The following BMPR1B variants were observed in gnomAD, a reference collection of about 807,000 sequenced individuals.
BMPR1B encodes the protein bone morphogenetic protein receptor type-1B.
In BMPR1B, 12 loss-of-function variants were observed where a neutral mutation model predicts 59.1. The observed-to-expected ratio is 0.20, with a 90% confidence interval of 0.13 to 0.33. The LOEUF is 0.33. Among genes scored for constraint, BMPR1B ranks in the 10% least tolerant of loss-of-function variants. The pLI is 1.00. For synonymous variants in BMPR1B, 237 were observed against 207.3 expected, an observed-to-expected ratio of 1.14 and a Z score of -1.23; for missense variants, 550 against 610.9, an observed-to-expected ratio of 0.90 and a Z score of 1.05.
intron 1 of BMPR1B, among the ~76,000 whole-genome samples, chr4:94,796,188 C>T (rs1363690608): frequency 1.3e-5 from 2 of 152,172 alleles, no homozygotes; most frequent in Non-Finnish European, 2.9e-5. Context: ...TGGCCTCGGA[C>T]TCCTGACCTC....
At chr4:95,134,878 T>A (rs1350114248) in intron 10 of BMPR1B, among the ~76,000 whole-genome samples, 4 of 152,224 alleles carry the variant, frequency 2.6e-5, no homozygotes, top group Non-Finnish European at 5.9e-5. Context: ...AGATCCCATT[T>A]GTCAATTTTG....
intron 2 of BMPR1B, among the ~76,000 whole-genome samples, chr4:94,938,795 A>G (rs1369496977): frequency 1.3e-5 from 2 of 152,180 alleles, no homozygotes; most frequent in Non-Finnish European, 2.9e-5. Context: ...AGCCTTCCTT[A>G]AGATCCCAGA....
intron 1 of BMPR1B, among the ~76,000 whole-genome samples, chr4:94,855,783 GTTAT>G (rs1725731838): frequency 9.2e-6 from 1 of 109,180 alleles, no homozygotes; most frequent in Non-Finnish European, 1.9e-5. Flanking sequence ...TTAAAATAAA[GTTAT>G]TTGAGTTAAT....
At chr4:94,771,308 C>T (rs899299341) in intron 1 of BMPR1B, among the ~76,000 whole-genome samples, 1 of 152,140 alleles carries the variant, frequency 6.6e-6, no homozygotes, top group African/African-American at 2.4e-5. Context: ...ATGTAGGACC[C>T]TCAGCTTCTA....
chr4:94,940,327 T>C (rs1265191093), intron 2 of BMPR1B, among the ~76,000 whole-genome samples: 1 of 152,178 alleles, frequency 6.6e-6, no homozygotes, highest in African/African-American at 2.4e-5. Flanking sequence ...TTTCATTTTT[T>C]TTAAGCTCAC....
intron 3 of BMPR1B, among the ~76,000 whole-genome samples, chr4:95,087,302 A>G (rs925160445): frequency 2.0e-5 from 3 of 152,182 alleles, no homozygotes; most frequent in Non-Finnish European, 4.4e-5. Flanking sequence ...CTATGGTTCC[A>G]TGATAAATTA....
chr4:94,981,725 T>C (rs562890555), intron 2 of BMPR1B, among the ~76,000 whole-genome samples: 1 of 152,322 alleles, frequency 6.6e-6, no homozygotes, highest in East Asian at 1.9e-4. Flanking sequence ...TTATCCTATG[T>C]GTTTAATTGA....
At chr4:94,843,066 CAT>C (rs754402618) in intron 1 of BMPR1B, among the ~76,000 whole-genome samples, 1 of 152,024 alleles carries the variant, frequency 6.6e-6, no homozygotes, top group African/African-American at 2.4e-5. Flanking sequence ...ATGTTTAAAA[CAT>C]ATAATTGCAT....
chr4:95,084,077 A>G (rs908597761), intron 3 of BMPR1B, among the ~76,000 whole-genome samples: 23 of 152,052 alleles, frequency 1.5e-4, no homozygotes, highest in African/African-American at 5.5e-4. Context: ...ACTAACGTAA[A>G]CTCAAATAAT....
chr4:95,075,704 AT>A (rs908963573), intron 3 of BMPR1B, among the ~76,000 whole-genome samples: 4 of 128,128 alleles, frequency 3.1e-5, no homozygotes, highest in African/African-American at 1.2e-4. Context: ...TGTCTCTCAT[AT>A]TTTTTGAGAG....
intron 1 of BMPR1B, among the ~76,000 whole-genome samples, chr4:94,847,927 A>AT (rs1353578047): frequency 1.3e-5 from 2 of 152,110 alleles, no homozygotes; most frequent in South Asian, 2.1e-4. Flanking sequence ...GTATAATTGG[A>AT]TTTTTTGTAA....
At chr4:95,026,122 C>CTTTCTTTCTTTCTTTCTTTCTT (rs1560602969) in intron 3 of BMPR1B, among the ~76,000 whole-genome samples, 50 of 144,462 alleles carry the variant, frequency 3.5e-4, no homozygotes, top group African/African-American at 1.3e-3. Flanking sequence ...TTCTTTCTTT[C>CTTTCTTTCTTTCTTTCTTTCTT]TTTCTTTCTT....
chr4:94,965,640 TA>T (rs1730527545), intron 2 of BMPR1B, among the ~76,000 whole-genome samples: 1 of 152,210 alleles, frequency 6.6e-6, no homozygotes, highest in African/African-American at 2.4e-5. Flanking sequence ...AGACAATTAA[TA>T]ACTTTTGTTA....
At chr4:95,051,867 A>T (rs1468079646) in intron 3 of BMPR1B, 1 of 1,241,364 alleles carries the variant, frequency 8.1e-7, no homozygotes, top group African/African-American at 1.5e-5. Context: ...TTCAGGCCAG[A>T]AGTTCAATGT....
At chr4:94,825,149 T>G (rs1334011321) in intron 1 of BMPR1B, among the ~76,000 whole-genome samples, 1 of 152,148 alleles carries the variant, frequency 6.6e-6, no homozygotes, top group Admixed American at 6.5e-5. Flanking sequence ...ATCGCTAGTC[T>G]CTGACATTCT....
chr4:94,951,707 G>C (rs1369978075), intron 2 of BMPR1B, among the ~76,000 whole-genome samples: 1 of 152,128 alleles, frequency 6.6e-6, no homozygotes, highest in East Asian at 1.9e-4. Flanking sequence ...AGCGATATTG[G>C]CCTGAAATTT....
At chr4:95,082,829 G>A (rs1051290764) in intron 3 of BMPR1B, among the ~76,000 whole-genome samples, 10 of 151,828 alleles carry the variant, frequency 6.6e-5, no homozygotes, top group African/African-American at 1.9e-4. Context: ...ACGAGGTCAG[G>A]AGATTGAGAC....
intron 3 of BMPR1B, among the ~76,000 whole-genome samples, chr4:95,020,106 A>G (rs1414332369): frequency 6.6e-6 from 1 of 152,104 alleles, no homozygotes; most frequent in East Asian, 1.9e-4. Context: ...TAAAATGAAA[A>G]CCCATTGCCT....
At chr4:95,028,139 T>C (rs1724554867) in intron 3 of BMPR1B, among the ~76,000 whole-genome samples, 1 of 152,176 alleles carries the variant, frequency 6.6e-6, no homozygotes, top group African/African-American at 2.4e-5. Context: ...ACTGGTGTCA[T>C]TTTGAAGGAG....
Sources: allele counts gnomAD v4.1 joint callset (sites outside exome capture counted in the v4.1 genomes callset), GRCh38; gene constraint gnomAD v4.1.1; transcripts MANE v1.5; gene names NCBI Gene and HGNC (gene_info 2026-07-23, HGNC 2026-07-21).